Variants in DPYSL5 observed in about 807,000 individuals in gnomAD.
The protein encoded by DPYSL5 is dihydropyrimidinase like 5.
A neutral mutation model predicts 58.4 loss-of-function variants in DPYSL5; 9 were observed. The ratio of observed to expected loss-of-function variants is 0.15; its 90% CI spans 0.09 to 0.27. The LOEUF (loss-of-function observed/expected upper bound fraction) is 0.27. Ranked by LOEUF, DPYSL5 falls within the 10% of genes least tolerant of loss-of-function variation. The probability of loss-of-function intolerance (pLI) is 1.00; values close to 1 mark genes in which losing one functional copy is unlikely to be tolerated. For missense variants in DPYSL5, 499 were observed against 770.6 expected (o/e 0.65, Z 4.17); for synonymous variants, 293 against 301.9 (o/e 0.97, Z 0.31).
intron 1 of DPYSL5, among the ~76,000 whole-genome samples, chr2:26,850,914 C>T (rs1353519135): frequency 6.6e-6 from 1 of 152,068 alleles, no homozygotes; most frequent in Non-Finnish European, 1.5e-5. Flanking sequence ...GAACATTGCT[C>T]ATTGGTTGTT....
chr2:26,910,595 CT>C (rs753794270), intron 2 of DPYSL5, among the ~76,000 whole-genome samples: 1 of 137,688 alleles, frequency 7.3e-6, no homozygotes, highest in Non-Finnish European at 1.6e-5. Context: ...GAGTTGTTTT[CT>C]TTTTTTCTTT....
At position 26,905,493 on chromosome 2, in the gene DPYSL5, G is replaced by A. The variant is rs1664264336; in HGVS notation, c.261+6733G>A. Among the ~76,000 whole-genome samples, 2 of 152,302 alleles carry A rather than the reference G, an allele frequency of 1.3e-5. No individual in the cohort carries two copies. Among genetic ancestry groups the A allele is most frequent in the South Asian group, 4.1e-4 (2 of 4,824 alleles). ...GTGCCCATGCTACCTGTGTCCCTGGGCTTGGCCAGCAGGCACCCTGGCAGG... is the reference window on the plus strand; with the variant it reads ...GTGCCCATGCTACCTGTGTCCCTGGACTTGGCCAGCAGGCACCCTGGCAGG... On this transcript the variant is annotated intron_variant, in intron 2 of 12. Transcript: ENST00000288699. This position sits in a 1 kb window ranked among gnomAD's most constrained non-coding sequence, Gnocchi z 4.0.
At position 26,905,203 on chromosome 2, in the gene DPYSL5, A is replaced by T. The variant is rs1309014944; in HGVS notation, c.261+6443A>T. ...CTGCCCAAGACAGTAGCTTTATGAA[A>T]TGCTGCTCCTCCCTGCAGGAATAAC... On this transcript the variant is annotated intron_variant, in intron 2 of 12. Coordinates refer to ENST00000288699, the MANE Select transcript of DPYSL5 (RefSeq NM_020134.4). The surrounding 1 kb of genome is among the most constrained non-coding windows in gnomAD (Gnocchi z 4.0). Among the ~76,000 whole-genome samples, 1 of 152,184 alleles carries T rather than the reference A, an allele frequency of 6.6e-6. No individual in the cohort carries two copies. The highest frequency in any genetic ancestry group is 1.5e-5 in the Non-Finnish European group (1 of 68,024).
chr2:26,874,423 T>C (rs543631434), intron 1 of DPYSL5, among the ~76,000 whole-genome samples: 3 of 152,364 alleles, frequency 2.0e-5, no homozygotes, highest in African/African-American at 7.2e-5. Context: ...GTCCACTTTT[T>C]TCCCCAAATG....
At chr2:26,854,289 T>C (rs1237200899) in intron 1 of DPYSL5, among the ~76,000 whole-genome samples, 1 of 151,934 alleles carries the variant, frequency 6.6e-6, no homozygotes, top group Non-Finnish European at 1.5e-5. Context: ...CGAAACCCTG[T>C]CTCTACTAAA....
At chr2:26,916,877 T>C (rs1664577431) in intron 2 of DPYSL5, among the ~76,000 whole-genome samples, 1 of 152,224 alleles carries the variant, frequency 6.6e-6, no homozygotes, top group South Asian at 2.1e-4. Flanking sequence ...CTCCTTAAGA[T>C]GCTTACATTT....
At chr2:26,928,373 C>T (rs1242881486) in intron 5 of DPYSL5, 50 bp downstream of exon 5, 2 of 1,581,788 alleles carry the variant, frequency 1.3e-6, no homozygotes, top group East Asian at 4.5e-5. Flanking sequence ...TGTAGATTGA[C>T]AGAATCTTCC....
At chr2:26,856,886 TATATATATTATATATAC>T (rs1558319085) in intron 1 of DPYSL5, among the ~76,000 whole-genome samples, 1 of 145,956 alleles carries the variant, frequency 6.9e-6, no homozygotes, top group African/African-American at 2.6e-5. Context: ...TTAAAAAAAT[TATATATATTATATATAC>T]ATATATAATA....
At chr2:26,902,460 G>T (rs1015288305) in intron 2 of DPYSL5, among the ~76,000 whole-genome samples, 1 of 152,052 alleles carries the variant, frequency 6.6e-6, no homozygotes, top group African/African-American at 2.4e-5. Flanking sequence ...AATAAATATA[G>T]GTACCAGCCC....
intron 5 of DPYSL5, among the ~76,000 whole-genome samples, chr2:26,931,119 A>G (rs1048369997): frequency 7.1e-5 from 10 of 141,026 alleles, no homozygotes; most frequent in African/African-American, 2.6e-4. Context: ...AGCCTGGGAG[A>G]CAGAGTGAGA....
At chr2:26,880,178 C>T (rs1429847735) in intron 1 of DPYSL5, among the ~76,000 whole-genome samples, 1 of 152,240 alleles carries the variant, frequency 6.6e-6, no homozygotes, top group Non-Finnish European at 1.5e-5. Flanking sequence ...GCAGAGCCAT[C>T]ACTGTGCCAG....
chr2:26,859,902 C>A (rs1665968029), intron 1 of DPYSL5, among the ~76,000 whole-genome samples: 1 of 152,150 alleles, frequency 6.6e-6, no homozygotes, highest in African/African-American at 2.4e-5. Flanking sequence ...TGGGCTTGAA[C>A]CTCCTCTCAG....
chr2:26,867,570 C>T (rs1041827218), intron 1 of DPYSL5, among the ~76,000 whole-genome samples: 4 of 151,082 alleles, frequency 2.6e-5, no homozygotes, highest in African/African-American at 9.7e-5. Context: ...ATTCTCCTGC[C>T]TCAGCCTCCC....
At chr2:26,888,006 A>G (rs1335506434) in intron 1 of DPYSL5, among the ~76,000 whole-genome samples, 4 of 152,154 alleles carry the variant, frequency 2.6e-5, no homozygotes, top group Non-Finnish European at 4.4e-5. Flanking sequence ...TAAACTGTAA[A>G]CATCATAAGA....
At chr2:26,890,235 A>C (rs1663840738) in intron 1 of DPYSL5, among the ~76,000 whole-genome samples, 1 of 152,208 alleles carries the variant, frequency 6.6e-6, no homozygotes, top group Admixed American at 6.5e-5. Context: ...AATTATTTGC[A>C]TCTCTCTTGC....
intron 8 of DPYSL5, among the ~76,000 whole-genome samples, chr2:26,936,944 T>TGAAAAAAAAAAAA (rs1665194434): frequency 2.7e-4 from 1 of 3,716 alleles, no homozygotes; most frequent in Non-Finnish European, 2.1e-3. Flanking sequence ...AAGACTTCAT[T>TGAAAAAAAAAAAA]TAAAAAAAAA....
At chr2:26,901,578 C>T (rs1051832331) in intron 2 of DPYSL5, among the ~76,000 whole-genome samples, 3 of 152,152 alleles carry the variant, frequency 2.0e-5, no homozygotes, top group Non-Finnish European at 2.9e-5. Flanking sequence ...CCTGATGGAC[C>T]GCCGCTGACC....
At position 26,950,001 on chromosome 2, in the gene DPYSL5, T is replaced by C. The variant is rs942248290; in HGVS notation, c.*3006T>C. ...GTTGCCAGAAAATTGTGCTACTGTG[T>C]GTGCGTGTGCGTGCGTGTGTGTAGT... On this transcript the variant is annotated 3_prime_UTR_variant, in exon 13 of 13. Transcript: ENST00000288699. The surrounding 1 kb of genome is among the most constrained non-coding windows in gnomAD (Gnocchi z 5.3). 10 of 152,562 alleles carry C rather than the reference T, an allele frequency of 6.6e-5. No individual in the cohort carries two copies. Among genetic ancestry groups the C allele is most frequent in the Non-Finnish European group, 2.9e-5 (2 of 68,348 alleles). The allele number at this position is 152,562 out of a possible 1,614,324, so 9.5% of individuals were successfully genotyped here. A position where few individuals can be genotyped will look rare whatever the true frequency, so the allele number is the denominator to read the frequency against.
chr2:26,875,613 C>T (rs1308111781), intron 1 of DPYSL5, among the ~76,000 whole-genome samples: 3 of 152,208 alleles, frequency 2.0e-5, no homozygotes, highest in Non-Finnish European at 4.4e-5. Flanking sequence ...AGGGCTTGTC[C>T]ACTGTCAGGC....
Sources: gnomAD v4.1 joint callset for allele counts (sites outside exome capture counted in the v4.1 genomes callset) on GRCh38, gnomAD v4.1.1 for gene constraint, Gnocchi (gnomAD v3.1) non-coding constraint, MANE v1.5 for transcripts, NCBI Gene and HGNC (gene_info 2026-07-23, HGNC 2026-07-21) for gene names.